The following WWOX variants were observed in gnomAD, a reference collection of about 807,000 sequenced individuals.
WWOX encodes WW domain-containing oxidoreductase.
In WWOX, 69 loss-of-function variants were observed where a neutral mutation model predicts 46.2. The observed-to-expected ratio is 1.49, with a 90% CI of 1.23 to 1.82. WWOX has a LOEUF of 1.82. Ranked by LOEUF, WWOX falls within the 40% of genes most tolerant of loss-of-function variation. The pLI is 0.00. For missense variants in WWOX, 919 were observed against 542.6 expected, an observed-to-expected ratio of 1.69 and a Z score of -6.89; for synonymous variants, 359 against 202.6, an observed-to-expected ratio of 1.77 and a Z score of -6.56.
At chr16:78,395,143 G>A (rs2082257257) in intron 6 of WWOX, among the ~76,000 whole-genome samples, 1 of 152,162 alleles carries the variant, frequency 6.6e-6, no homozygotes, top group Admixed American at 6.5e-5. Context: ...GTTTAAGACA[G>A]CAATAAGACA....
chr16:78,966,313 A>C (rs1053856748), intron 8 of WWOX, among the ~76,000 whole-genome samples: 4 of 152,196 alleles, frequency 2.6e-5, no homozygotes, highest in Non-Finnish European at 5.9e-5. Context: ...AGATGGAACC[A>C]AATGGAAAAC....
At chr16:78,793,219 C>A (rs192978550) in intron 8 of WWOX, among the ~76,000 whole-genome samples, 44 of 152,088 alleles carry the variant, frequency 2.9e-4, no homozygotes, top group African/African-American at 1.0e-3. Context: ...ACCACAATGC[C>A]CAGCTAATTT....
At chr16:79,108,415 G>A (rs2049351889) in intron 8 of WWOX, among the ~76,000 whole-genome samples, 1 of 152,196 alleles carries the variant, frequency 6.6e-6, no homozygotes, top group Non-Finnish European at 1.5e-5. Context: ...CCCTCCAGGG[G>A]AGAGATAAAC....
intron 4 of WWOX, among the ~76,000 whole-genome samples, chr16:78,156,712 T>A (rs967129158): frequency 6.6e-6 from 1 of 151,668 alleles, no homozygotes; most frequent in African/African-American, 2.4e-5. Context: ...TCATTTGAGG[T>A]TAGGAGTTCG....
intron 8 of WWOX, among the ~76,000 whole-genome samples, chr16:78,782,666 CTTTT>C (rs59862391): frequency 1.5e-4 from 20 of 131,848 alleles, no homozygotes; most frequent in African/African-American, 5.0e-4. Flanking sequence ...TTTTCTATAT[CTTTT>C]TTTTTTTTTT....
chr16:78,937,657 C>T (rs780114694), intron 8 of WWOX, among the ~76,000 whole-genome samples: 1 of 151,314 alleles, frequency 6.6e-6, no homozygotes, highest in African/African-American at 2.4e-5. Context: ...CAAGGTCTCA[C>T]TCTGTCTCCC....
chr16:78,393,258 C>T (rs1020424977), intron 6 of WWOX, among the ~76,000 whole-genome samples: 1 of 152,142 alleles, frequency 6.6e-6, no homozygotes, highest in African/African-American at 2.4e-5. Flanking sequence ...ATTTTCCTTC[C>T]TAGCAGTAGC....
At chr16:78,627,062 A>G (rs1026045152) in intron 8 of WWOX, among the ~76,000 whole-genome samples, 5 of 152,080 alleles carry the variant, frequency 3.3e-5, no homozygotes, top group Admixed American at 2.6e-4. Flanking sequence ...TACATACACA[A>G]AGGGCAGCAT....
rs549570336 is a variant in WWOX at position 78,798,131 on chromosome 16, G to A, written c.1056+365379G>A. On this transcript the variant is annotated intron_variant, in intron 8 of 8. Coordinates refer to ENST00000566780, the MANE Select transcript of WWOX (RefSeq NM_016373.4). ...TTGCTCATGTTATATAGGGAGCAAA[G>A]GACAGAGCTTGGACCAGAGCGCAGA... Among the ~76,000 whole-genome samples the A allele has an allele frequency of 1.3e-4, 20 of 152,270 alleles. 1 individual carries two copies. The South Asian group carries it at 2.5e-3, about 19-fold the overall frequency.
At chr16:78,540,998 A>G (rs997800247) in intron 8 of WWOX, among the ~76,000 whole-genome samples, 7 of 152,068 alleles carry the variant, frequency 4.6e-5, no homozygotes, top group Admixed American at 1.3e-4. Flanking sequence ...CCCACTATTA[A>G]TAAGGTCATT....
chr16:78,745,767 C>G (rs1410827256), intron 8 of WWOX, among the ~76,000 whole-genome samples: 1 of 148,902 alleles, frequency 6.7e-6, no homozygotes, highest in African/African-American at 2.5e-5. Flanking sequence ...TCCTCTTTTT[C>G]CCCCCCCTTC....
chr16:78,287,680 C>A (rs374330617), intron 5 of WWOX, among the ~76,000 whole-genome samples: 1 of 152,058 alleles, frequency 6.6e-6, no homozygotes, highest in Non-Finnish European at 1.5e-5. Context: ...AGGACGGAGA[C>A]CAGGCCAAAA....
chr16:78,806,802 A>C (rs1442670262), intron 8 of WWOX, among the ~76,000 whole-genome samples: 1 of 152,172 alleles, frequency 6.6e-6, no homozygotes, highest in African/African-American at 2.4e-5. Context: ...CTCTTCTGGA[A>C]GAGAATGTGG....
chr16:78,834,211 C>T (rs2051911766), intron 8 of WWOX, among the ~76,000 whole-genome samples: 1 of 152,108 alleles, frequency 6.6e-6, no homozygotes. Flanking sequence ...ATTGTTTGTG[C>T]CGAACAGGGC....
chr16:78,124,402 C>T (rs1170614362), intron 4 of WWOX: 1 of 152,100 alleles, frequency 6.6e-6, no homozygotes, highest in Non-Finnish European at 1.5e-5. Context: ...CCCCCTTGAC[C>T]GTTGCCTGTT....
At position 78,776,635 on chromosome 16, in the gene WWOX, A is replaced by G. The variant is rs544309155; in HGVS notation, c.1056+343883A>G. On this transcript the variant is annotated intron_variant, in intron 8 of 8. Transcript: ENST00000566780. ...TTTATTAGTCTGGTCTCACACTGCT[A>G]TAAAAAACTGCCCGAGATTGGGAAA... 5.3e-5 allele frequency among the ~76,000 whole-genome samples: 8 copies of G among 152,318 alleles called. No homozygotes were observed. The East Asian group carries it at 1.5e-3, about 29-fold the overall frequency.
intron 8 of WWOX, among the ~76,000 whole-genome samples, chr16:78,542,615 A>G (rs942101828): frequency 6.6e-6 from 1 of 152,220 alleles, no homozygotes; most frequent in Non-Finnish European, 1.5e-5. Context: ...ACAGATCCAC[A>G]CAGGAGGGAT....
chr16:78,978,094 G>A (rs772305860), intron 8 of WWOX, among the ~76,000 whole-genome samples: 5 of 152,080 alleles, frequency 3.3e-5, no homozygotes, highest in Non-Finnish European at 7.4e-5. Context: ...TGCTTATTTG[G>A]GATATTTTAT....
chr16:78,412,695 G>GA (rs1187493048), intron 6 of WWOX, among the ~76,000 whole-genome samples: 7 of 152,172 alleles, frequency 4.6e-5, no homozygotes, highest in African/African-American at 1.7e-4. Flanking sequence ...TAGCAGAGAG[G>GA]AGGTTGCTGA....
Sources: gnomAD v4.1 joint callset for allele counts (sites outside exome capture counted in the v4.1 genomes callset) on GRCh38, gnomAD v4.1.1 for gene constraint, MANE v1.5 for transcripts, NCBI Gene and HGNC (gene_info 2026-07-23, HGNC 2026-07-21) for gene names.